GRIN2B: variants seen among roughly 807,000 people sequenced by gnomAD.
GRIN2B encodes glutamate ionotropic receptor NMDA type subunit 2B, also known as glutamate receptor ionotropic, NMDA 2B.
Under a neutral mutation model 114.5 loss-of-function variants are expected in GRIN2B, and 5 were observed. The ratio of observed to expected loss-of-function variants is 0.04; its 90% CI spans 0.02 to 0.09. The LOEUF (loss-of-function observed/expected upper bound fraction) is 0.09. Among genes scored for constraint, GRIN2B ranks in the 10% least tolerant of loss-of-function variants. The pLI is 1.00. For synonymous variants in GRIN2B, 787 were observed against 745.1 expected (o/e 1.06, Z -0.92); for missense variants, 1,108 against 1,943.5 (o/e 0.57, Z 8.08).
At chr12:13,694,660 T>G (rs1422340934) in intron 4 of GRIN2B, among the ~76,000 whole-genome samples, 1 of 37,524 alleles carries the variant, frequency 2.7e-5, no homozygotes, top group African/African-American at 7.7e-5. Context: ...AAATGTCATA[T>G]ATATATATAT....
At chr12:13,573,672 A>T (rs114213053) in intron 10 of GRIN2B, among the ~76,000 whole-genome samples, 124 of 152,344 alleles carry the variant, frequency 8.1e-4, no homozygotes, top group African/African-American at 2.9e-3. Flanking sequence ...AAGTAATAGT[A>T]CCATTTACTT....
At chr12:13,810,807 T>A (rs1864715672) in intron 3 of GRIN2B, among the ~76,000 whole-genome samples, 1 of 152,224 alleles carries the variant, frequency 6.6e-6, no homozygotes, top group Non-Finnish European at 1.5e-5. Context: ...GAAATAATAA[T>A]CTTTGCTACT....
rs1366517354 is a variant in GRIN2B, at chr12:13,560,566, CAG to C, written c.*2215_*2216del. ...AGGGGATGAGTCCCTGACCCCTGGA[CAG>C]AGTCAGGGCGAAGCAGTGTTTACGT... On this transcript the variant is annotated 3_prime_UTR_variant, in exon 14 of 14. Transcript: ENST00000609686. The C allele has an allele frequency of 6.6e-6, 1 of 152,172 alleles. No homozygotes were observed. The highest frequency in any genetic ancestry group is 1.5e-5 in the Non-Finnish European group (1 of 68,060). 9.4% of individuals were successfully genotyped at this position (152,172 alleles called of 1,614,324 possible).
chr12:13,819,510 C>A (rs1235623784), intron 3 of GRIN2B, among the ~76,000 whole-genome samples: 1 of 152,130 alleles, frequency 6.6e-6, no homozygotes, highest in African/African-American at 2.4e-5. Context: ...ATCCTAGGAA[C>A]AGGATGTGTT....
intron 3 of GRIN2B, among the ~76,000 whole-genome samples, chr12:13,828,371 C>T (rs184672937): frequency 2.0e-5 from 3 of 152,248 alleles, no homozygotes; most frequent in Admixed American, 2.0e-4. Flanking sequence ...TCTTATGGCT[C>T]CTTGATAATT....
chr12:13,717,338 G>C (rs1950465060), intron 4 of GRIN2B, among the ~76,000 whole-genome samples: 1 of 151,832 alleles, frequency 6.6e-6, no homozygotes, highest in East Asian at 1.9e-4. Context: ...TAAAAGCAAG[G>C]CAATGCAGAA....
intron 3 of GRIN2B, among the ~76,000 whole-genome samples, chr12:13,840,940 TC>T (rs1351195502): frequency 6.6e-6 from 1 of 152,204 alleles, no homozygotes; most frequent in Non-Finnish European, 1.5e-5. Context: ...GAAAAATTGT[TC>T]CTCACTATGA....
chr12:13,892,534 T>C (rs114337652), intron 2 of GRIN2B, among the ~76,000 whole-genome samples: 3,021 of 152,296 alleles, frequency 0.02, 108 homozygotes, highest in African/African-American at 0.069. Flanking sequence ...CTGGATACCA[T>C]AAGCTGAAAC....
chr12:13,703,551 G>C (rs888474185), intron 4 of GRIN2B, among the ~76,000 whole-genome samples: 1 of 152,048 alleles, frequency 6.6e-6, no homozygotes, highest in Non-Finnish European at 1.5e-5. Flanking sequence ...CTGCTGTAAT[G>C]TTTTATTTTC....
intron 3 of GRIN2B, among the ~76,000 whole-genome samples, chr12:13,819,117 G>C (rs1864883545): frequency 6.6e-6 from 1 of 152,176 alleles, no homozygotes; most frequent in Non-Finnish European, 1.5e-5. Flanking sequence ...AATCTGACAA[G>C]TGTCTTTATA....
At chr12:13,689,305 T>G (rs930020296) in intron 4 of GRIN2B, among the ~76,000 whole-genome samples, 2 of 152,172 alleles carry the variant, frequency 1.3e-5, no homozygotes, top group African/African-American at 4.8e-5. Context: ...ATTCTTCCTC[T>G]CTCTCAATGA....
At chr12:13,772,947 A>G (rs1024605835) in intron 3 of GRIN2B, among the ~76,000 whole-genome samples, 10 of 152,218 alleles carry the variant, frequency 6.6e-5, no homozygotes, top group African/African-American at 2.2e-4. Flanking sequence ...TCAAAGGTGA[A>G]GTAAATGCTC....
intron 5 of GRIN2B, among the ~76,000 whole-genome samples, chr12:13,645,466 C>G (rs991788140): frequency 3.9e-4 from 59 of 151,910 alleles, no homozygotes; most frequent in African/African-American, 1.4e-3. Flanking sequence ...TGAGAATTAC[C>G]AAGATGTGAC....
chr12:13,622,018 G>T (rs991565756), intron 5 of GRIN2B, among the ~76,000 whole-genome samples: 3 of 152,016 alleles, frequency 2.0e-5, no homozygotes, highest in African/African-American at 7.2e-5. Flanking sequence ...TTGTGAAGAA[G>T]GGAGAGGGGA....
At chr12:13,952,410 T>A (rs1321855049) in intron 2 of GRIN2B, among the ~76,000 whole-genome samples, 1 of 152,180 alleles carries the variant, frequency 6.6e-6, no homozygotes, top group Non-Finnish European at 1.5e-5. Context: ...TCCTCCTGAA[T>A]GGCATTACAG....
intron 3 of GRIN2B, among the ~76,000 whole-genome samples, chr12:13,793,192 A>G (rs911634832): frequency 1.3e-5 from 2 of 152,160 alleles, no homozygotes; most frequent in African/African-American, 4.8e-5. Flanking sequence ...AGATGGCATG[A>G]GGCCAGGAGC....
rs1948231980 is a variant in GRIN2B at position 13,537,928 on chromosome 12, ATT to A, written c.*24853_*24854del. The A allele has an allele frequency of 6.6e-6, 1 of 152,116 alleles. No homozygotes were observed. The highest frequency in any genetic ancestry group is 6.5e-5 in the Admixed American group (1 of 15,272). The allele number at this position is 152,116 out of a possible 1,614,324, so 9.4% of individuals were successfully genotyped here. On this transcript the variant is annotated 3_prime_UTR_variant, in exon 14 of 14. Transcript: ENST00000609686. ...GGCCACAAATGATAGCTTTGGCATA[ATT>A]TTTTTGACAGGCCCTGCAGACTCTC...
At chr12:13,960,831 C>T (rs1565601554) in intron 2 of GRIN2B, among the ~76,000 whole-genome samples, 1 of 152,140 alleles carries the variant, frequency 6.6e-6, no homozygotes, top group Non-Finnish European at 1.5e-5. Context: ...AAAACAAAGT[C>T]CCCTCTGAAG....
chr12:13,976,092 A>T (rs1325455718), intron 2 of GRIN2B, among the ~76,000 whole-genome samples: 1 of 152,268 alleles, frequency 6.6e-6, no homozygotes, highest in Non-Finnish European at 1.5e-5. Flanking sequence ...TAACAGCCGC[A>T]GGTGAACCTC....
Sources: gnomAD v4.1 joint callset for allele counts (sites outside exome capture counted in the v4.1 genomes callset) on GRCh38, gnomAD v4.1.1 for gene constraint, MANE v1.5 for transcripts, NCBI Gene and HGNC (gene_info 2026-07-23, HGNC 2026-07-21) for gene names.